The following FAF1 variants were observed in gnomAD, a reference collection of about 807,000 sequenced individuals.
FAF1 encodes the protein Fas associated factor 1, also known as FAS-associated factor 1.
FAF1 carries 25 observed loss-of-function variants against 92.5 expected under a neutral mutation model. That is an observed-to-expected ratio of 0.27 (90% confidence interval 0.20 to 0.38). FAF1 has a LOEUF of 0.38. Among genes scored for constraint, FAF1 ranks in the 10% least tolerant of loss-of-function variants. The pLI is 1.00. For missense variants in FAF1, 636 were observed against 793.3 expected (o/e 0.80, Z 2.38); for synonymous variants, 234 against 273.2 (o/e 0.86, Z 1.42).
chr1:50,781,773 A>G (rs1661188936), intron 4 of FAF1, among the ~76,000 whole-genome samples: 1 of 152,238 alleles, frequency 6.6e-6, no homozygotes, highest in South Asian at 2.1e-4. Context: ...TCTTAAACTT[A>G]AGATGACTGA....
chr1:50,685,103 A>T (rs1182617933), intron 7 of FAF1, among the ~76,000 whole-genome samples: 4 of 152,220 alleles, frequency 2.6e-5, no homozygotes, highest in Admixed American at 2.6e-4. Flanking sequence ...GGATCTTTGA[A>T]TGGCATGAGG....
At chr1:50,642,204 G>GAA (rs1199936049) in intron 8 of FAF1, among the ~76,000 whole-genome samples, 16 of 78,482 alleles carry the variant, frequency 2.0e-4, no homozygotes, top group Non-Finnish European at 1.9e-4. Flanking sequence ...CTTTGTCTCA[G>GAA]AAAAAAAAAA....
At chr1:50,883,891 G>A (rs1644635305) in intron 1 of FAF1, among the ~76,000 whole-genome samples, 1 of 152,134 alleles carries the variant, frequency 6.6e-6, no homozygotes, top group South Asian at 2.1e-4. Context: ...TTGGGAGGGT[G>A]AGGCAGGCGG....
intron 1 of FAF1, among the ~76,000 whole-genome samples, chr1:50,929,288 CAGA>C (rs1318258015): frequency 6.6e-6 from 1 of 151,940 alleles, no homozygotes; most frequent in African/African-American, 2.4e-5. Flanking sequence ...CATAGGAAAG[CAGA>C]AGGAGTGGGC....
At chr1:50,726,782 T>A (rs1000513332) in intron 6 of FAF1, among the ~76,000 whole-genome samples, 4 of 152,078 alleles carry the variant, frequency 2.6e-5, no homozygotes, top group African/African-American at 9.7e-5. Flanking sequence ...TGAGCTGAGA[T>A]CACGCCACTG....
At chr1:50,466,259 T>C (rs1646494212) in intron 18 of FAF1, among the ~76,000 whole-genome samples, 1 of 151,686 alleles carries the variant, frequency 6.6e-6, no homozygotes, top group African/African-American at 2.4e-5. Context: ...GAAAGAGGAG[T>C]CAAGGATAAC....
intron 2 of FAF1, among the ~76,000 whole-genome samples, chr1:50,806,709 C>CG (rs1192428123): frequency 6.6e-6 from 1 of 152,114 alleles, no homozygotes; most frequent in African/African-American, 2.4e-5. Flanking sequence ...ACAAGAATGC[C>CG]GGGGGCCTGG....
intron 2 of FAF1, among the ~76,000 whole-genome samples, chr1:50,812,237 C>T (rs1312669798): frequency 6.6e-6 from 1 of 152,002 alleles, no homozygotes; most frequent in African/African-American, 2.4e-5. Flanking sequence ...TTCTGCACAG[C>T]AAAAGAAACT....
intron 8 of FAF1, among the ~76,000 whole-genome samples, chr1:50,623,806 G>A (rs1319431967): frequency 1.3e-5 from 2 of 151,894 alleles, no homozygotes; most frequent in Non-Finnish European, 2.9e-5. Flanking sequence ...AGGCAGGCAT[G>A]GTGGTATGCG....
At chr1:50,571,876 T>G (rs1650460196) in intron 12 of FAF1, among the ~76,000 whole-genome samples, 1 of 152,206 alleles carries the variant, frequency 6.6e-6, no homozygotes, top group African/African-American at 2.4e-5. Flanking sequence ...TATTTGCTGA[T>G]GAACTAAAAA....
chr1:50,666,073 G>A (rs1050322011), intron 7 of FAF1, among the ~76,000 whole-genome samples: 1 of 151,564 alleles, frequency 6.6e-6, no homozygotes, highest in East Asian at 1.9e-4. Flanking sequence ...CTACTCAGGA[G>A]GTGAGACACA....
chr1:50,564,013 C>G (rs1188415099), intron 13 of FAF1, among the ~76,000 whole-genome samples: 1 of 152,166 alleles, frequency 6.6e-6, no homozygotes, highest in Non-Finnish European at 1.5e-5. Flanking sequence ...TTTATAATAG[C>G]AAGTGATACT....
intron 4 of FAF1, among the ~76,000 whole-genome samples, chr1:50,771,487 C>A (rs1660775132): frequency 6.6e-6 from 1 of 152,078 alleles, no homozygotes; most frequent in Admixed American, 6.6e-5. Flanking sequence ...TGAAAGAAGC[C>A]ATATATTTGG....
chr1:50,531,957 C>T (rs561701142), intron 15 of FAF1, among the ~76,000 whole-genome samples: 1 of 152,194 alleles, frequency 6.6e-6, no homozygotes, highest in East Asian at 1.9e-4. Flanking sequence ...AACCTGTTCA[C>T]TGATTTAATT....
chr1:50,895,685 C>T (rs1644752431), intron 1 of FAF1, among the ~76,000 whole-genome samples: 1 of 152,106 alleles, frequency 6.6e-6, no homozygotes, highest in Non-Finnish European at 1.5e-5. Flanking sequence ...ATCAAAAAAT[C>T]ATTCATCATG....
chr1:50,549,619 AC>A (rs1178656832), intron 13 of FAF1, among the ~76,000 whole-genome samples: 1 of 152,030 alleles, frequency 6.6e-6, no homozygotes, highest in Non-Finnish European at 1.5e-5. Context: ...TACTGAAAAT[AC>A]AAAAAGTAGC....
chr1:50,581,277 A>G (rs1326502550), intron 12 of FAF1, among the ~76,000 whole-genome samples: 1 of 152,170 alleles, frequency 6.6e-6, no homozygotes, highest in Non-Finnish European at 1.5e-5. Context: ...TTATAGCTCT[A>G]ATTTGATTAA....
intron 8 of FAF1, among the ~76,000 whole-genome samples, chr1:50,596,623 A>G (rs566899205): frequency 6.6e-6 from 1 of 152,364 alleles, no homozygotes; most frequent in East Asian, 1.9e-4. Flanking sequence ...TAAAATTTCC[A>G]TAAGATACAT....
intron 2 of FAF1, among the ~76,000 whole-genome samples, chr1:50,806,165 AACAAG>A (rs1207068003): frequency 1.3e-5 from 2 of 152,202 alleles, no homozygotes; most frequent in African/African-American, 4.8e-5. Flanking sequence ...CTGGAGACTT[AACAAG>A]ACAAGTCAAT....
Sources: allele counts gnomAD v4.1 joint callset (sites outside exome capture counted in the v4.1 genomes callset), GRCh38; gene constraint gnomAD v4.1.1; transcripts MANE v1.5; gene names NCBI Gene and HGNC (gene_info 2026-07-23, HGNC 2026-07-21).